Variants in RIMS1 observed in about 807,000 individuals in gnomAD.
The protein encoded by RIMS1 is regulating synaptic membrane exocytosis 1.
Under a neutral mutation model 214.1 loss-of-function variants are expected in RIMS1, and 83 were observed. That is an observed-to-expected ratio of 0.39 (90% CI 0.32 to 0.47). The LOEUF (loss-of-function observed/expected upper bound fraction) is 0.47, where lower values mean the gene tolerates loss of function less well. Ranked by LOEUF, RIMS1 falls within the 20% of genes least tolerant of loss-of-function variation. The pLI is 0.99. For missense variants in RIMS1, 2,050 were observed against 2,161.8 expected, an observed-to-expected ratio of 0.95 and a Z score of 1.03; for synonymous variants, 793 against 786.8, an observed-to-expected ratio of 1.01 and a Z score of -0.13.
chr6:71,903,573 A>C (rs1452898544), intron 1 of RIMS1, among the ~76,000 whole-genome samples: 7 of 152,206 alleles, frequency 4.6e-5, no homozygotes, highest in African/African-American at 1.7e-4. Flanking sequence ...GACAGCCTAC[A>C]GAATGGGAGG....
intron 1 of RIMS1, among the ~76,000 whole-genome samples, chr6:71,946,038 A>G (rs1583220845): frequency 1.6e-5 from 2 of 127,968 alleles, no homozygotes; most frequent in Non-Finnish European, 3.4e-5. Context: ...TCCAAAAGAG[A>G]AATCAAGAAA....
At chr6:72,349,251 T>C (rs1564384921) in intron 29 of RIMS1, among the ~76,000 whole-genome samples, 1 of 152,030 alleles carries the variant, frequency 6.6e-6, no homozygotes, top group Non-Finnish European at 1.5e-5. Context: ...AAACATTCTG[T>C]GTTCCAGATT....
intron 1 of RIMS1, among the ~76,000 whole-genome samples, chr6:71,894,536 T>C (rs572950800): frequency 6.6e-6 from 1 of 152,332 alleles, no homozygotes; most frequent in South Asian, 2.1e-4. Flanking sequence ...TTTCAAAACA[T>C]TTTTCAAATA....
intron 28 of RIMS1, among the ~76,000 whole-genome samples, chr6:72,321,415 C>T (rs921732472): frequency 3.3e-5 from 5 of 152,064 alleles, no homozygotes; most frequent in African/African-American, 1.2e-4. Flanking sequence ...GTTGCATTTA[C>T]AATAGATTAG....
At chr6:72,010,077 C>T (rs888620550) in intron 2 of RIMS1, among the ~76,000 whole-genome samples, 1 of 152,064 alleles carries the variant, frequency 6.6e-6, no homozygotes, top group African/African-American at 2.4e-5. Context: ...TGCAAAAATC[C>T]TCAATAAAAT....
chr6:72,103,942 A>G (rs2034205564), intron 4 of RIMS1, among the ~76,000 whole-genome samples: 1 of 152,158 alleles, frequency 6.6e-6, no homozygotes. Flanking sequence ...GTGAACTTTT[A>G]TTCATACATA....
intron 2 of RIMS1, among the ~76,000 whole-genome samples, chr6:71,980,152 A>AC (rs1228980034): frequency 6.6e-6 from 1 of 152,088 alleles, no homozygotes; most frequent in Non-Finnish European, 1.5e-5. Flanking sequence ...TGTTGTGAAA[A>AC]AACAGGAAGC....
intron 16 of RIMS1, among the ~76,000 whole-genome samples, chr6:72,253,545 G>A (rs1355209419): frequency 6.6e-6 from 1 of 152,116 alleles, no homozygotes; most frequent in Admixed American, 6.5e-5. Flanking sequence ...ATTTACTAAT[G>A]AGAGGAGAAG....
At chr6:72,227,387 T>C (rs1204837689) in intron 6 of RIMS1, among the ~76,000 whole-genome samples, 3 of 150,430 alleles carry the variant, frequency 2.0e-5, no homozygotes, top group Admixed American at 6.7e-5. Context: ...TTCGTGCACA[T>C]TATCTCATTC....
intron 8 of RIMS1, among the ~76,000 whole-genome samples, chr6:72,236,924 T>A (rs1028006144): frequency 5.9e-5 from 9 of 152,186 alleles, no homozygotes; most frequent in African/African-American, 2.2e-4. Flanking sequence ...ACAGCCTGGG[T>A]GCAGTGGCTC....
intron 29 of RIMS1, among the ~76,000 whole-genome samples, chr6:72,381,287 A>G (rs1159637982): frequency 1.3e-5 from 2 of 151,674 alleles, no homozygotes; most frequent in Non-Finnish European, 2.9e-5. Context: ...AACTTTAATG[A>G]TCTCGTTCTA....
chr6:72,088,760 T>A (rs9351886), intron 2 of RIMS1, among the ~76,000 whole-genome samples: 32,916 of 152,106 alleles, frequency 0.22, 4,284 homozygotes, highest in East Asian at 0.31. Flanking sequence ...GTAATACTAA[T>A]TTTCTATGAA....
At chr6:72,211,891 G>A (rs895780275) in intron 6 of RIMS1, among the ~76,000 whole-genome samples, 4 of 152,064 alleles carry the variant, frequency 2.6e-5, no homozygotes, top group Non-Finnish European at 5.9e-5. Flanking sequence ...AGTGACTTAG[G>A]AATTTCATTT....
intron 27 of RIMS1, 56 bp from the exon 28 acceptor site, chr6:72,313,450 A>T: frequency 6.6e-7 from 1 of 1,522,398 alleles, no homozygotes; most frequent in Non-Finnish European, 9.0e-7. Flanking sequence ...CTCACCATCT[A>T]TGTTTTTTCC....
chr6:71,997,112 A>G (rs1249812787), intron 2 of RIMS1, among the ~76,000 whole-genome samples: 1 of 152,212 alleles, frequency 6.6e-6, no homozygotes, highest in Non-Finnish European at 1.5e-5. Context: ...AATGTATAAT[A>G]TGAAGTAACT....
At chr6:72,085,528 GC>G (rs1834446867) in intron 2 of RIMS1, among the ~76,000 whole-genome samples, 1 of 152,110 alleles carries the variant, frequency 6.6e-6, no homozygotes, top group Non-Finnish European at 1.5e-5. Context: ...TTGCATTTAT[GC>G]TTAAAGTTTC....
chr6:72,096,905 T>G (rs1330617753), intron 2 of RIMS1, 44 bp from the exon 3 acceptor site: 1 of 1,488,504 alleles, frequency 6.7e-7, no homozygotes, highest in East Asian at 2.3e-5. Context: ...TGGTTTTGTC[T>G]TCCACTATTT....
chr6:72,069,938 A>G (rs1174356768), intron 2 of RIMS1, among the ~76,000 whole-genome samples: 2 of 152,216 alleles, frequency 1.3e-5, no homozygotes, highest in African/African-American at 2.4e-5. Context: ...GAATAACTAT[A>G]TGAATTGTTG....
At position 72,191,255 on chromosome 6, in the gene RIMS1, T is replaced by C. The variant is rs190520036; in HGVS notation, c.1678+8106T>C. On this transcript the variant is annotated intron_variant, in intron 6 of 33. Coordinates refer to ENST00000521978, the MANE Select transcript of RIMS1 (RefSeq NM_014989.7). The stretch of plus-strand genomic sequence containing the variant: ...ATCCAAATAGGCCCACTAGGTGTTA[T>C]GCTTCTTTCTTGGTTGTAGAAGGTT... Among the ~76,000 whole-genome samples the C allele has an allele frequency of 2.6e-5, 4 of 152,370 alleles. No homozygotes were observed. The East Asian group carries it at 5.8e-4, about 22-fold the overall frequency.
Sources: allele counts gnomAD v4.1 joint callset (sites outside exome capture counted in the v4.1 genomes callset), GRCh38; gene constraint gnomAD v4.1.1; transcripts MANE v1.5; gene names NCBI Gene and HGNC (gene_info 2026-07-23, HGNC 2026-07-21).